CHAF1A: variants seen among roughly 807,000 people sequenced by gnomAD.
CHAF1A encodes chromatin assembly factor 1 subunit A.
In CHAF1A, 5 loss-of-function variants were observed where a neutral mutation model predicts 93.2. The observed-to-expected ratio is 0.05, with a 90% confidence interval of 0.03 to 0.11. CHAF1A has a LOEUF of 0.11. CHAF1A is among the 10% of genes least tolerant of loss of function. The pLI, the probability that CHAF1A is intolerant of heterozygous loss-of-function variation, is 1.00. For missense variants in CHAF1A, 1,102 were observed against 1,259.9 expected (o/e 0.87, Z 1.90); for synonymous variants, 504 against 510.3 (o/e 0.99, Z 0.17).
chr19:4,427,746 C>T (rs1974110928), intron 7 of CHAF1A, among the ~76,000 whole-genome samples: 1 of 152,340 alleles, frequency 6.6e-6, no homozygotes, highest in South Asian at 2.1e-4. Context: ...TGCCACCGTG[C>T]CCGGCTAATT....
At chr19:4,436,552 G>A (rs1020903785) in intron 13 of CHAF1A, among the ~76,000 whole-genome samples, 1 of 152,186 alleles carries the variant, frequency 6.6e-6, no homozygotes, top group Non-Finnish European at 1.5e-5. Context: ...AGAGGGAACC[G>A]GAGCTCCCCA....
Position 4,422,498 on chromosome 19 carries a change from C to T in CHAF1A, c.1018-68C>T, listed in dbSNP as rs956381613. The T allele has an allele frequency of 8.6e-6, 12 of 1,401,142 alleles. No individual in the cohort carries two copies. Among genetic ancestry groups the T allele is most frequent in the Admixed American group, 4.0e-5 (2 of 50,366 alleles). The allele number at this position is 1,401,142 out of a possible 1,614,324, so 86.8% of individuals were successfully genotyped here. ...CGTCCAGGCCGTGCTGTCCTCCATG[C>T]TGTGAACCGAGCTTCCTCCTGGGAG... is the stretch of plus-strand genomic sequence containing the variant. On this transcript the variant is annotated intron_variant, in intron 4 of 14. Transcript: ENST00000301280. The surrounding 1 kb of genome is among the most constrained non-coding windows in gnomAD (Gnocchi z 4.6).
intron 3 of CHAF1A, among the ~76,000 whole-genome samples, chr19:4,411,476 C>T (rs981440483): frequency 2.0e-5 from 3 of 151,946 alleles, no homozygotes; most frequent in Admixed American, 6.6e-5. Context: ...GTAATCCACC[C>T]GCCTTGGCCT....
downstream of CHAF1A, among the ~76,000 whole-genome samples, chr19:4,443,583 G>C: frequency 6.6e-6 from 1 of 152,262 alleles, no homozygotes; most frequent in Middle Eastern, 3.4e-3. Flanking sequence ...GGGTTTTTCC[G>C]CACGTGCTTC....
chr19:4,409,779 T>A lies in CHAF1A; in HGVS notation c.960+20T>A. On this transcript the variant is annotated intron_variant, in intron 3 of 14. Coordinates refer to ENST00000301280, the MANE Select transcript of CHAF1A (RefSeq NM_005483.3). Reference sequence around the variant, plus strand: ...CGCAGAGTGAGTATCTCCCATGGAGTCCCTGCACATCAGTGCTCACGGATC... The same window carrying A: ...CGCAGAGTGAGTATCTCCCATGGAGACCCTGCACATCAGTGCTCACGGATC... 1 of 1,582,258 alleles carries A rather than the reference T, an allele frequency of 6.3e-7. No homozygotes were observed. The highest frequency in any genetic ancestry group is 8.6e-7 in the Non-Finnish European group (1 of 1,159,910).
chr19:4,446,647 TC>T (rs1974533516), downstream of CHAF1A: 1 of 1,612,458 alleles, frequency 6.2e-7, no homozygotes. Flanking sequence ...CAGCAGCTGT[TC>T]CTTGTGCCTC....
chr19:4,433,150 C>T lies in CHAF1A; in HGVS notation c.2284C>T (p.Arg762Cys), dbSNP rs1974217937. ...CATCCGGGAGTTCCAGGAGCACTGC[C>T]GCCGGGGACTGCTCAGCAACCACAC... ...VIIREFQEHCRRGLLSNHTGS... is the reference protein window; with the variant it reads ...VIIREFQEHCCRGLLSNHTGS... Residue 762 changes from arginine (R) to cysteine (C), a missense_variant, in exon 13 of 15, where the codon CGC (arginine) becomes TGC (cysteine). Transcript: ENST00000301280. The surrounding 1 kb of genome is among the most constrained non-coding windows in gnomAD (Gnocchi z 5.6). 2 of 1,612,718 alleles carry T rather than the reference C, an allele frequency of 1.2e-6. No homozygotes were observed. Among genetic ancestry groups the T allele is most frequent in the African/African-American group, 1.3e-5 (1 of 74,896 alleles).
At chr19:4,445,501 C>T (rs758062700), downstream of CHAF1A, 10 of 1,613,744 alleles carry the variant, frequency 6.2e-6, no homozygotes, top group Admixed American at 1.7e-5. Context: ...TTTTATTTCA[C>T]AAGAGCTTCT....
intron 4 of CHAF1A, among the ~76,000 whole-genome samples, chr19:4,420,213 G>A (rs772373913): frequency 1.6e-4 from 24 of 151,858 alleles, no homozygotes; most frequent in Non-Finnish European, 2.9e-4. Flanking sequence ...GCAGTGTTAG[G>A]AGCGGGCACC....
downstream of CHAF1A, chr19:4,446,447 G>A (rs527573846): frequency 2.3e-5 from 37 of 1,580,890 alleles, no homozygotes; most frequent in African/African-American, 8.1e-5. Flanking sequence ...AGGGCTGGCC[G>A]GGGTTCTTCC....
intron 7 of CHAF1A, 152 bp downstream of exon 7, chr19:4,424,026 A>G: frequency 2.9e-6 from 2 of 682,068 alleles, no homozygotes; most frequent in Non-Finnish European, 5.0e-6. Flanking sequence ...TTAAGTCTTG[A>G]GGCTCAATAT....
rs57040531 is a variant in CHAF1A at position 4,426,167 on chromosome 19, CTT to C, written c.1377+2310_1377+2311del. ...AGCCTGTTACCTCTTTGTTTACAGT[CTT>C]TTTTTTTTTTTTTTTTGAGACACAG... On this transcript the variant is annotated intron_variant, in intron 7 of 14. Coordinates refer to ENST00000301280, the MANE Select transcript of CHAF1A (RefSeq NM_005483.3). Among the ~76,000 whole-genome samples the C allele has an allele frequency of 2.1e-3, 204 of 95,566 alleles. 1 individual carries two copies. Among genetic ancestry groups the C allele is most frequent in the Admixed American group, 3.2e-3 (30 of 9,402 alleles). 62.7% of individuals were successfully genotyped at this position (95,566 alleles called of 152,430 possible). A position where few individuals can be genotyped will look rare whatever the true frequency, so the allele number is the denominator to read the frequency against.
At position 4,427,136 on chromosome 19, in the gene CHAF1A, C is replaced by CTTTT. The variant is rs747750687; in HGVS notation, c.1378-1500_1378-1497dup. 1.4e-3 allele frequency among the ~76,000 whole-genome samples: 45 copies of CTTTT among 31,946 alleles called. 6 individuals are homozygous for CTTTT. Among genetic ancestry groups the CTTTT allele is most frequent in the African/African-American group, 2.9e-3 (20 of 6,822 alleles). 21.0% of individuals were successfully genotyped at this position (31,946 alleles called of 152,430 possible). On this transcript the variant is annotated intron_variant, in intron 7 of 14. Coordinates refer to ENST00000301280, the MANE Select transcript of CHAF1A (RefSeq NM_005483.3). ...GTGATCTTTCAAAAAAAGACCCTGTCTTTTTTTTTTTTTTTTTTTTTTTTT... is the reference window on the plus strand; with the variant it reads ...GTGATCTTTCAAAAAAAGACCCTGTCTTTTTTTTTTTTTTTTTTTTTTTTTTTTT...
downstream of CHAF1A, chr19:4,446,927 G>A (rs1346146453): frequency 1.5e-5 from 24 of 1,613,590 alleles, 1 homozygote; most frequent in Admixed American, 1.7e-5. Flanking sequence ...GCTCCTGGGG[G>A]TGGAGATGGG....
At chr19:4,448,076 G>A (rs1278046648), downstream of CHAF1A, 2 of 571,286 alleles carry the variant, frequency 3.5e-6, no homozygotes, top group Non-Finnish European at 3.1e-6. Flanking sequence ...CCCCAAGGAA[G>A]CCAGGGTGGG....
chr19:4,407,910 T>C (rs1301046787), intron 2 of CHAF1A, among the ~76,000 whole-genome samples: 1 of 151,770 alleles, frequency 6.6e-6, no homozygotes, highest in Non-Finnish European at 1.5e-5. Flanking sequence ...GTGGCGCCAT[T>C]GCACTCCAAC....
At position 4,409,403 on chromosome 19, in the gene CHAF1A, T is replaced by C. The variant is rs199665572; in HGVS notation, c.604T>C (p.Cys202Arg). Residue 202 changes from cysteine to arginine, a missense_variant, in exon 3 of 15, where the codon TGT (cysteine) becomes CGT (arginine). By Grantham distance (180) the Cys-to-Arg change is radical. This residue lies in a region of CHAF1A where 379 missense variants were observed against 365.7 expected (regional missense o/e 1.04). Transcript: ENST00000301280. ...AGGGAGGAGAGGCGACTCCCAGGAA[T>C]GTTCGCCACGGAGCTGCCCGGAGCT... ...GAGRRGDSQECSPRSCPELTS... is the reference protein window; with the variant it reads ...GAGRRGDSQERSPRSCPELTS... The C allele has an allele frequency of 7.6e-5, 122 of 1,614,026 alleles. No homozygotes were observed. The East Asian group carries it at 2.7e-3, about 35-fold the overall frequency.
chr19:4,430,560 C>T lies in CHAF1A; in HGVS notation c.1866C>T (p.Asp622=), dbSNP rs146690112. Residue 622 remains aspartate (D), a synonymous_variant, in exon 11 of 15, where the codon GAC becomes GAT. Coordinates refer to ENST00000301280, the MANE Select transcript of CHAF1A (RefSeq NM_005483.3). The part of the protein sequence containing the change: ...SLSHSEGDDD[D]DMGEDEDEDD... Reference sequence around the variant, plus strand: ...TTTCTCCTTTTGAGGATGATGATGACGACATGGGAGAGGATGAAGATGAGG... The same window carrying T: ...TTTCTCCTTTTGAGGATGATGATGATGACATGGGAGAGGATGAAGATGAGG... The T allele has an allele frequency of 1.3e-4, 207 of 1,584,662 alleles. 1 individual carries two copies. The African/African-American group carries it at 1.9e-3, about 15-fold the overall frequency.
chr19:4,402,735 G>T lies in CHAF1A; in HGVS notation c.-28G>T. ...AGGGGAGCCCGCGCCTCCGCCGCCT[G>T]AGAGGAGGTCGAGCTGCCGCCGGGG... On this transcript the variant is annotated 5_prime_UTR_variant, in exon 1 of 15. Coordinates refer to ENST00000301280, the MANE Select transcript of CHAF1A (RefSeq NM_005483.3). 8.3e-7 allele frequency: 1 copy of T among 1,198,062 alleles called. No individual in the cohort carries two copies. Among genetic ancestry groups the T allele is most frequent in the Non-Finnish European group, 1.0e-6 (1 of 965,546 alleles). The allele number at this position is 1,198,062 out of a possible 1,614,324, so 74.2% of individuals were successfully genotyped here.
Sources: allele counts gnomAD v4.1 joint callset (sites outside exome capture counted in the v4.1 genomes callset), GRCh38; gene constraint gnomAD v4.1.1; regional missense constraint gnomAD v4.1.1; non-coding constraint Gnocchi (gnomAD v3.1); transcripts MANE v1.5; gene names NCBI Gene and HGNC (gene_info 2026-07-23, HGNC 2026-07-21).